ZNF791: variants seen among roughly 807,000 people sequenced by gnomAD.
ZNF791 encodes the protein zinc finger protein 791.
In ZNF791, 4 loss-of-function variants were observed where a neutral mutation model predicts 11.5. The observed-to-expected ratio is 0.35, with a 90% confidence interval of 0.17 to 0.80. The LOEUF is 0.80. ZNF791 is among the 30% of genes least tolerant of loss of function. The pLI is 0.53. For missense variants in ZNF791, 559 were observed against 699.4 expected (o/e 0.80, Z 2.26); for synonymous variants, 212 against 228.1 (o/e 0.93, Z 0.64).
chr19:12,615,975 T>C (rs79000278), intron 1 of ZNF791, among the ~76,000 whole-genome samples: 2,427 of 152,258 alleles, frequency 0.016, 66 homozygotes, highest in African/African-American at 0.056. Context: ...GGTCCACTGG[T>C]AAGAGGACGT....
At position 12,623,873 on chromosome 19, in the gene ZNF791, G is replaced by A. The variant is rs377616320; in HGVS notation, c.130+47G>A. 6.0e-6 allele frequency: 6 copies of A among 992,138 alleles called. 1 individual carries two copies. The highest frequency in any genetic ancestry group is 5.7e-6 in the Non-Finnish European group (4 of 696,556). 61.5% of individuals were successfully genotyped at this position (992,138 alleles called of 1,614,324 possible). A position where few individuals can be genotyped will look rare whatever the true frequency, so the allele number is the denominator to read the frequency against. ...CTTTTTTCTTTTTTTTTTTTTTTGG[G>A]GGGGGACAGAGTTTCACTATTGTCC... On this transcript the variant is annotated intron_variant, in intron 2 of 3. Transcript: ENST00000343325.
At position 12,625,425 on chromosome 19, in the gene ZNF791, T is replaced by C. The variant is rs1433238965; in HGVS notation, c.191+715T>C. On this transcript the variant is annotated intron_variant, in intron 3 of 3. Coordinates refer to ENST00000343325, the MANE Select transcript of ZNF791 (RefSeq NM_153358.3). ...CACGAGCCACTGGGCCCCAAATTTA[T>C]TTATTATCAGAAAATGTTTACCAAA... Among the ~76,000 whole-genome samples, 39 of 151,950 alleles carry C rather than the reference T, an allele frequency of 2.6e-4. 1 individual carries two copies. The highest frequency in any genetic ancestry group is 2.6e-3 in the Admixed American group (39 of 15,248).
At chr19:12,615,249 C>T (rs932396483) in intron 1 of ZNF791, among the ~76,000 whole-genome samples, 2 of 151,734 alleles carry the variant, frequency 1.3e-5, no homozygotes, top group African/African-American at 4.8e-5. Context: ...CTCCTGGGCT[C>T]GAGCACTTCT....
chr19:12,629,013 C>T lies in ZNF791; in HGVS notation c.1484C>T (p.Pro495Leu). The T allele has an allele frequency of 1.2e-6, 2 of 1,613,874 alleles. No individual in the cohort carries two copies. Among genetic ancestry groups the T allele is most frequent in the Non-Finnish European group, 1.7e-6 (2 of 1,179,962 alleles). ...AAAAGAACTCACACTGGGGAGAAAC[C>T]TTATGAATGTAAGGAATGCGGGAAG... ...IHKRTHTGEK[P>L]YECKECGKAF... Residue 495 changes from proline (P) to leucine (L), a missense_variant, in exon 4 of 4, where the codon CCT (proline) becomes CTT (leucine). Transcript: ENST00000343325.
intron 1 of ZNF791, among the ~76,000 whole-genome samples, chr19:12,619,478 CT>C (rs2023300956): frequency 5.8e-5 from 7 of 121,416 alleles, no homozygotes; most frequent in Non-Finnish European, 1.1e-4. Context: ...GAGACGGAGT[CT>C]CGATTTGTCT....
intron 1 of ZNF791, among the ~76,000 whole-genome samples, chr19:12,617,847 A>G (rs1283352791): frequency 7.3e-6 from 1 of 136,266 alleles, no homozygotes; most frequent in Non-Finnish European, 1.5e-5. Context: ...GCCTACTACA[A>G]CCACCACCTC....
At chr19:12,622,928 T>C (rs909643553) in intron 1 of ZNF791, among the ~76,000 whole-genome samples, 1 of 141,480 alleles carries the variant, frequency 7.1e-6, no homozygotes, top group Non-Finnish European at 1.6e-5. Context: ...AAAAAACCCA[T>C]TTATCTGGGA....
At chr19:12,614,892 C>CTTTTTTTTTTTTTTTTTTTTTTTT (rs57575424) in intron 1 of ZNF791, among the ~76,000 whole-genome samples, 4 of 17,566 alleles carry the variant, frequency 2.3e-4, no homozygotes, top group East Asian at 1.2e-3. Context: ...TGCGTCCGGC[C>CTTTTTTTTTTTTTTTTTTTTTTTT]TTTTTTTTTT....
chr19:12,617,541 C>T (rs1232400586), intron 1 of ZNF791, among the ~76,000 whole-genome samples: 1 of 151,924 alleles, frequency 6.6e-6, no homozygotes, highest in East Asian at 1.9e-4. Flanking sequence ...AGATTAATAC[C>T]ATGGTGGTCT....
At chr19:12,611,601 C>A (rs531244711) in intron 1 of ZNF791, among the ~76,000 whole-genome samples, 33 of 152,312 alleles carry the variant, frequency 2.2e-4, no homozygotes, top group Non-Finnish European at 3.8e-4. Context: ...CAAACACACG[C>A]AGTATTTTAA....
Position 12,626,520 on chromosome 19 carries a change from T to C in ZNF791, c.192-1201T>C, listed in dbSNP as rs574550848. ...GCTGGTCTCAAACTCCTGACCCCAA[T>C]TGATCCACCCACCTCGGCCTCCCAA... is the stretch of plus-strand genomic sequence containing the variant. On this transcript the variant is annotated intron_variant, in intron 3 of 3. Transcript: ENST00000343325. Among the ~76,000 whole-genome samples, 145 of 132,662 alleles carry C rather than the reference T, an allele frequency of 1.1e-3. 1 individual carries two copies. Among genetic ancestry groups the C allele is most frequent in the African/African-American group, 4.1e-3 (142 of 34,506 alleles). The allele number at this position is 132,662 out of a possible 152,430, so 87.0% of individuals were successfully genotyped here.
chr19:12,616,557 G>C (rs1417107911), intron 1 of ZNF791, among the ~76,000 whole-genome samples: 1 of 152,180 alleles, frequency 6.6e-6, no homozygotes, highest in Non-Finnish European at 1.5e-5. Flanking sequence ...CCCAATGTGG[G>C]TGGCACACCC....
chr19:12,623,627 A>G (rs2023384259), intron 1 of ZNF791, 73 bp from the exon 2 acceptor site: 3 of 1,596,676 alleles, frequency 1.9e-6, no homozygotes, highest in Non-Finnish European at 2.6e-6. Context: ...TCGTGTGTGA[A>G]TTTCTTATGA....
chr19:12,629,213 A>C lies in ZNF791; in HGVS notation c.1684A>C (p.Ser562Arg). Residue 562 changes from serine to arginine, a missense_variant, in exon 4 of 4, where the codon AGT (serine) becomes CGT (arginine). Transcript: ENST00000343325. ...ATGTAAGCAATGTGGAAAAGCCTTC[A>C]GTGTGTCCACATCCTTAAAAAAACA... ...LECKQCGKAF[S>R]VSTSLKKHMR... The C allele has an allele frequency of 3.2e-6, 5 of 1,555,560 alleles. No individual in the cohort carries two copies. Among genetic ancestry groups the C allele is most frequent in the Non-Finnish European group, 4.3e-6 (5 of 1,154,510 alleles).
Position 12,627,891 on chromosome 19 carries a change from C to T in ZNF791, c.362C>T (p.Ser121Phe), listed in dbSNP as rs772824257. ...RLSSLTRHMR[S>F]HTGYELFEKP... ...TCATCCCTTACTAGACACATGAGGT[C>T]TCACACTGGATACGAGCTATTTGAG... Residue 121 changes from serine (S) to phenylalanine (F), a missense_variant, in exon 4 of 4, where the codon TCT (serine) becomes TTT (phenylalanine). Physicochemically the swap from Ser to Phe is radical, Grantham distance 155. Transcript: ENST00000343325. 8.7e-6 allele frequency: 14 copies of T among 1,614,030 alleles called. No homozygotes were observed. Among genetic ancestry groups the T allele is most frequent in the Admixed American group, 3.3e-5 (2 of 59,990 alleles).
chr19:12,613,517 C>T (rs1180266477), intron 1 of ZNF791, among the ~76,000 whole-genome samples: 1 of 151,958 alleles, frequency 6.6e-6, no homozygotes, highest in East Asian at 1.9e-4. Flanking sequence ...GGAGGCGGAG[C>T]TTGCAGTGAG....
At chr19:12,622,659 C>T (rs929748403) in intron 1 of ZNF791, among the ~76,000 whole-genome samples, 2 of 151,600 alleles carry the variant, frequency 1.3e-5, no homozygotes, top group African/African-American at 4.8e-5. Flanking sequence ...CTTTGGGTGG[C>T]CGAGGAGGGT....
Position 12,623,844 on chromosome 19 carries a change from T to G in ZNF791, c.130+18T>G. On this transcript the variant is annotated intron_variant, in intron 2 of 3. Coordinates refer to ENST00000343325, the MANE Select transcript of ZNF791 (RefSeq NM_153358.3). ...ATCTATAGGTAAGGATGACATCATT[T>G]TTTCTTTTTTCTTTTTTTTTTTTTT... 1 of 1,091,806 alleles carries G rather than the reference T, an allele frequency of 9.2e-7. No individual in the cohort carries two copies. Among genetic ancestry groups the G allele is most frequent in the Non-Finnish European group, 1.3e-6 (1 of 786,818 alleles). The allele number at this position is 1,091,806 out of a possible 1,614,324, so 67.6% of individuals were successfully genotyped here. A position where few individuals can be genotyped will look rare whatever the true frequency, so the allele number is the denominator to read the frequency against.
chr19:12,629,119 G>A lies in ZNF791; in HGVS notation c.1590G>A (p.Gly530=). 6.2e-7 allele frequency: 1 copy of A among 1,605,686 alleles called. No individual in the cohort carries two copies. The highest frequency in any genetic ancestry group is 8.5e-7 in the Non-Finnish European group (1 of 1,176,648). ...GEKPYKCKEC[G]KAFSLHSSFQ... is the part of the protein sequence containing the mutation. Reference sequence around the variant, plus strand: ...AACCCTATAAATGTAAAGAATGTGGGAAGGCCTTTAGTCTTCACAGTTCCT... The same window carrying A: ...AACCCTATAAATGTAAAGAATGTGGAAAGGCCTTTAGTCTTCACAGTTCCT... The change falls in exon 4 of 4, where the codon GGG becomes GGA. Residue 530 remains glycine, a synonymous_variant. Transcript: ENST00000343325.
Sources: gnomAD v4.1 joint callset for allele counts (sites outside exome capture counted in the v4.1 genomes callset) on GRCh38, gnomAD v4.1.1 for gene constraint, MANE v1.5 for transcripts, NCBI Gene and HGNC (gene_info 2026-07-23, HGNC 2026-07-21) for gene names.